EPS15L1: variants seen among roughly 807,000 people sequenced by gnomAD.
EPS15L1 encodes the protein epidermal growth factor receptor substrate 15-like 1.
In EPS15L1, 43 loss-of-function variants were observed where a neutral mutation model predicts 117.1. The ratio of observed to expected loss-of-function variants is 0.37; its 90% CI spans 0.29 to 0.47. EPS15L1 has a LOEUF of 0.47. EPS15L1 is among the 20% of genes least tolerant of loss of function. EPS15L1 has a pLI of 0.99. For synonymous variants in EPS15L1, 459 were observed against 470.5 expected, an observed-to-expected ratio of 0.98 and a Z score of 0.32; for missense variants, 981 against 1,164.0, an observed-to-expected ratio of 0.84 and a Z score of 2.29.
Position 16,464,858 on chromosome 19 carries a change from C to T in EPS15L1, c.33+7055G>A, listed in dbSNP as rs142762374. 3.1e-3 allele frequency among the ~76,000 whole-genome samples: 467 copies of T among 152,190 alleles called. 3 individuals carry two copies. Among genetic ancestry groups the T allele is most frequent in the Middle Eastern group, 0.014 (4 of 292 alleles). ...CAGCACTTTGGGAGGCCAAGGCGGGCAGATCACAAGGTCAGATCGAGACCA... is the reference window on the plus strand; with the variant it reads ...CAGCACTTTGGGAGGCCAAGGCGGGTAGATCACAAGGTCAGATCGAGACCA... On this transcript the variant is annotated intron_variant, in intron 1 of 23. Transcript: ENST00000455140.
intron 1 of EPS15L1, among the ~76,000 whole-genome samples, chr19:16,450,085 CA>C (rs375434776): frequency 9.3e-4 from 114 of 123,062 alleles, no homozygotes; most frequent in Middle Eastern, 4.1e-3. Context: ...CCTATCTCTA[CA>C]AAAAAAAAAA....
In EPS15L1 at chr19:16,423,867, C is replaced by T. The variant is rs961825657; in HGVS notation, c.792+1216G>A. ...GAAACAAGGGGGGTTCTGTGTCCCA[C>T]GGGTCCCAAGAAGAAATTACGTATG... On this transcript the variant is annotated intron_variant, in intron 9 of 23. Transcript: ENST00000455140. 5.3e-5 allele frequency among the ~76,000 whole-genome samples: 8 copies of T among 152,070 alleles called. No individual in the cohort carries two copies. In the East Asian group the frequency reaches 1.3e-3, roughly 26 times the overall value.
rs1037669455 is a variant in EPS15L1 at position 16,426,460 on chromosome 19, C to G, written c.559-1144G>C. On this transcript the variant is annotated intron_variant, in intron 8 of 23. Coordinates refer to ENST00000455140, the MANE Select transcript of EPS15L1 (RefSeq NM_001258374.3). ...ACCAGCCTGGCCAACAGGGAGAAAC[C>G]GCATCTCTACTAAAAATTCAAAAAA... Among the ~76,000 whole-genome samples the G allele has an allele frequency of 2.6e-5, 4 of 152,138 alleles. 1 individual carries two copies. The highest frequency in any genetic ancestry group is 3.4e-3 in the Middle Eastern group (1 of 294).
chr19:16,408,908 G>C (rs929104437), intron 13 of EPS15L1, among the ~76,000 whole-genome samples: 1 of 152,116 alleles, frequency 6.6e-6, no homozygotes, highest in African/African-American at 2.4e-5. Context: ...CATTCAACGG[G>C]GGAAAGAAGA....
intron 1 of EPS15L1, among the ~76,000 whole-genome samples, chr19:16,470,036 C>T (rs73513107): frequency 1.2e-3 from 177 of 152,224 alleles, no homozygotes; most frequent in African/African-American, 4.1e-3. Flanking sequence ...GAAAACCAGG[C>T]CACGCCTTCA....
intron 1 of EPS15L1, among the ~76,000 whole-genome samples, chr19:16,444,371 C>T (rs144301162): frequency 2.0e-5 from 3 of 152,276 alleles, no homozygotes; most frequent in African/African-American, 7.2e-5. Context: ...TGCTTGGAGG[C>T]AGTGACACCA....
intron 10 of EPS15L1, among the ~76,000 whole-genome samples, chr19:16,418,703 C>CT (rs1428526714): frequency 6.6e-6 from 1 of 152,138 alleles, no homozygotes; most frequent in East Asian, 1.9e-4. Context: ...GGTGGGGCCT[C>CT]TGGGAGGTGA....
chr19:16,397,287 AC>A, intron 16 of EPS15L1, among the ~76,000 whole-genome samples: 1 of 152,014 alleles, frequency 6.6e-6, no homozygotes, highest in Admixed American at 6.6e-5. Context: ...ATGGGGTTTC[AC>A]CATGTTGGGC....
Position 16,383,209 on chromosome 19 carries a change from C to T in EPS15L1, c.2247+1920G>A, listed in dbSNP as rs1262606525. 1.3e-5 allele frequency: 2 copies of T among 152,132 alleles called. No individual in the cohort carries two copies. The highest frequency in any genetic ancestry group is 4.8e-5 in the African/African-American group (2 of 41,434). The allele number at this position is 152,132 out of a possible 1,614,324, so 9.4% of individuals were successfully genotyped here. On this transcript the variant is annotated intron_variant, in intron 21 of 23. Transcript: ENST00000455140. The surrounding 1 kb of genome is among the most constrained non-coding windows in gnomAD (Gnocchi z 5.2). ...CCAACTCTGTCCTGGCCCGGCACCG[C>T]CAATAGGAAGTGAGACCGGCTCTGA...
chr19:16,362,869 C>T (rs565999820), intron 22 of EPS15L1, among the ~76,000 whole-genome samples: 36 of 152,230 alleles, frequency 2.4e-4, no homozygotes, highest in Admixed American at 5.2e-4. Flanking sequence ...CAAGGGGCAG[C>T]GTTTATCTGG....
At chr19:16,386,034 G>T in intron 20 of EPS15L1, 137 bp downstream of exon 20, 1 of 697,840 alleles carries the variant, frequency 1.4e-6, no homozygotes, top group Non-Finnish European at 2.5e-6. Flanking sequence ...ATGGGCTCAG[G>T]CCAGGATCTG....
Position 16,437,839 on chromosome 19 carries a change from C to A in EPS15L1, c.240G>T (p.Val80=), listed in dbSNP as rs770383778. ...KQGFYVALRL[V]ACAQSGHEVT... is the part of the protein sequence containing the mutation. ...CTTCATGGCCACTCTGTGCACAGGC[C>A]ACCAGTCTCAGTGCAACATAGAAAC... The change falls in exon 5 of 24, where the codon GTG becomes GTT. Residue 80 remains valine, a synonymous_variant. Coordinates refer to ENST00000455140, the MANE Select transcript of EPS15L1 (RefSeq NM_001258374.3). 5.0e-6 allele frequency: 8 copies of A among 1,614,006 alleles called. No homozygotes were observed. In the Admixed American group the frequency reaches 1.3e-4, roughly 27 times the overall value.
intron 7 of EPS15L1, among the ~76,000 whole-genome samples, chr19:16,430,298 G>T (rs1364236639): frequency 3.3e-5 from 5 of 152,168 alleles, no homozygotes; most frequent in African/African-American, 1.2e-4. Context: ...GTGTCTAATG[G>T]ACAGGGCAGG....
At position 16,471,817 on chromosome 19, in the gene EPS15L1, G is replaced by T; in HGVS notation, c.33+96C>A. The T allele has an allele frequency of 3.4e-6, 1 of 297,054 alleles. No individual in the cohort carries two copies. The highest frequency in any genetic ancestry group is 5.3e-6 in the Non-Finnish European group (1 of 188,578). 18.4% of individuals were successfully genotyped at this position (297,054 alleles called of 1,614,324 possible). On this transcript the variant is annotated intron_variant, in intron 1 of 23. Coordinates refer to ENST00000455140, the MANE Select transcript of EPS15L1 (RefSeq NM_001258374.3). The surrounding 1 kb of genome is among the most constrained non-coding windows in gnomAD (Gnocchi z 4.8). ...CCCTTCAGCACGCGCCGCCCCCGCC[G>T]CCGCCTGGCTGAGTCTCCCAGCGCC... is the stretch of plus-strand genomic sequence containing the variant.
At chr19:16,456,657 T>TC (rs2093199807) in intron 1 of EPS15L1, among the ~76,000 whole-genome samples, 1 of 150,804 alleles carries the variant, frequency 6.6e-6, no homozygotes, top group East Asian at 2.0e-4. Context: ...AAACTCCATC[T>TC]CAAAACAAAA....
At chr19:16,454,555 C>G (rs1216134908) in intron 1 of EPS15L1, among the ~76,000 whole-genome samples, 1 of 152,166 alleles carries the variant, frequency 6.6e-6, no homozygotes, top group Non-Finnish European at 1.5e-5. Context: ...TGGATTCTCC[C>G]CAGGGACCCA....
chr19:16,440,066 CAAAA>C (rs34503524), intron 4 of EPS15L1, among the ~76,000 whole-genome samples: 1 of 74,816 alleles, frequency 1.3e-5, no homozygotes. Context: ...ACTCTGTCTC[CAAAA>C]AAAAAAAAAA....
rs535288403 is a variant in EPS15L1, at chr19:16,457,998, C to A, written c.33+13915G>T. On this transcript the variant is annotated intron_variant, in intron 1 of 23. Coordinates refer to ENST00000455140, the MANE Select transcript of EPS15L1 (RefSeq NM_001258374.3). ...CTTTCCAAAGTGTACCCCGGGCCTT[C>A]CCAACATTCCTTTCCTGCATCAGCT... Among the ~76,000 whole-genome samples, 4 of 152,252 alleles carry A rather than the reference C, an allele frequency of 2.6e-5. No individual in the cohort carries two copies. In the East Asian group the frequency reaches 7.7e-4, roughly 29 times the overall value.
intron 12 of EPS15L1, among the ~76,000 whole-genome samples, chr19:16,414,487 G>A (rs550094610): frequency 2.5e-3 from 372 of 149,826 alleles, no homozygotes; most frequent in Non-Finnish European, 4.4e-3. Flanking sequence ...TGCATCCTCC[G>A]CCTCCCCAGT....
Sources: allele counts gnomAD v4.1 joint callset (sites outside exome capture counted in the v4.1 genomes callset), GRCh38; gene constraint gnomAD v4.1.1; non-coding constraint Gnocchi (gnomAD v3.1); transcripts MANE v1.5; gene names NCBI Gene and HGNC (gene_info 2026-07-23, HGNC 2026-07-21).